GALNT16: variants seen among roughly 807,000 people sequenced by gnomAD.
The protein encoded by GALNT16 is polypeptide N-acetylgalactosaminyltransferase 16.
GALNT16 carries 40 observed loss-of-function variants against 76.1 expected under a neutral mutation model. That is an observed-to-expected ratio of 0.53 (90% CI 0.41 to 0.68). GALNT16 has a LOEUF of 0.68. GALNT16 is among the 30% of genes least tolerant of loss of function. GALNT16 has a pLI of 0.00. For missense variants in GALNT16, 621 were observed against 731.9 expected, an observed-to-expected ratio of 0.85 and a Z score of 1.75; for synonymous variants, 276 against 285.2, an observed-to-expected ratio of 0.97 and a Z score of 0.32.
intron 2 of GALNT16, among the ~76,000 whole-genome samples, chr14:69,322,993 C>T (rs1327597823): frequency 4.1e-4 from 16 of 38,664 alleles, no homozygotes; most frequent in African/African-American, 3.4e-3. Flanking sequence ...CGCGCGCACG[C>T]GCGCACGCAT....
chr14:69,374,950 CATTA>C, the GALNT16 span, among the ~76,000 whole-genome samples: 139 of 152,306 alleles, frequency 9.1e-4, no homozygotes, highest in African/African-American at 2.9e-3. Context: ...GCGGAAATGA[CATTA>C]ATTTATTCAT....
intron 4 of GALNT16, 151 bp from the exon 5 acceptor site, chr14:69,325,811 C>A: frequency 1.5e-6 from 1 of 668,514 alleles, no homozygotes; most frequent in Non-Finnish European, 2.7e-6. Flanking sequence ...GCAGGGCAAC[C>A]CTTCGGCCAG....
At chr14:69,382,253 T>A in the GALNT16 span, among the ~76,000 whole-genome samples, 1 of 152,254 alleles carries the variant, frequency 6.6e-6, no homozygotes, top group East Asian at 1.9e-4. Context: ...TTCCCATTTT[T>A]AAAAATGCTT....
the GALNT16 span, chr14:69,380,737 G>A: frequency 4.6e-6 from 3 of 650,582 alleles, no homozygotes; most frequent in South Asian, 1.9e-5. Context: ...GCATAGATGT[G>A]CACATTTCCA....
At chr14:69,379,471 G>A in the GALNT16 span, among the ~76,000 whole-genome samples, 1 of 152,160 alleles carries the variant, frequency 6.6e-6, no homozygotes, top group Admixed American at 6.5e-5. Flanking sequence ...AGTAGAGGCA[G>A]GAACAGGGGG....
At chr14:69,320,039 C>T (rs1370583760) in intron 1 of GALNT16, among the ~76,000 whole-genome samples, 3 of 152,202 alleles carry the variant, frequency 2.0e-5, no homozygotes, top group Admixed American at 6.5e-5. Context: ...GGTTTGTAGT[C>T]CCCTCAGGAC....
intron 2 of GALNT16, among the ~76,000 whole-genome samples, chr14:69,322,405 G>C (rs1005109186): frequency 3.9e-5 from 6 of 152,244 alleles, no homozygotes; most frequent in Non-Finnish European, 8.8e-5. Context: ...CCCAATCTGT[G>C]AATTGAGGGC....
chr14:69,378,508 T>C, the GALNT16 span, among the ~76,000 whole-genome samples: 5 of 152,356 alleles, frequency 3.3e-5, no homozygotes, highest in South Asian at 2.1e-4. Flanking sequence ...GAAACTTTCA[T>C]TGCACATTTC....
Position 69,325,430 on chromosome 14 carries a change from G to GC in GALNT16, c.502+29dup, listed in dbSNP as rs943541622. On this transcript the variant is annotated intron_variant, in intron 4 of 14. Coordinates refer to ENST00000448469, the MANE Select transcript of GALNT16 (RefSeq NM_001168368.2). ...GTGAGTAGTCACCTTCCTTTTTGCA[G>GC]CCCTCCATTCCGCCCTCGTCCCTGT... The GC allele has an allele frequency of 6.6e-6, 9 of 1,359,760 alleles. No individual in the cohort carries two copies. In the African/African-American group the frequency reaches 1.0e-4, roughly 15 times the overall value. The allele number at this position is 1,359,760 out of a possible 1,614,324, so 84.2% of individuals were successfully genotyped here.
In GALNT16 at chr14:69,299,134, A is replaced by G. The variant is rs185663582; in HGVS notation, c.178-21577A>G. On this transcript the variant is annotated intron_variant, in intron 1 of 14. Coordinates refer to ENST00000448469, the MANE Select transcript of GALNT16 (RefSeq NM_001168368.2). ...CAGCACGTGCAGTAGCCCTGGGAAA[A>G]TGGCATGCTGTTTCTGCATCTCTGT... Among the ~76,000 whole-genome samples, 568 of 152,340 alleles carry G rather than the reference A, an allele frequency of 3.7e-3. 6 individuals carry two copies. Among genetic ancestry groups the G allele is most frequent in the African/African-American group, 0.013 (544 of 41,582 alleles).
At chr14:69,267,616 G>A (rs1394595275) in intron 1 of GALNT16, among the ~76,000 whole-genome samples, 3 of 152,180 alleles carry the variant, frequency 2.0e-5, no homozygotes, top group African/African-American at 7.2e-5. Context: ...CCCTAGGTGG[G>A]CCAGGCAGAG....
chr14:69,333,899 A>G lies in GALNT16; in HGVS notation c.967+299A>G, dbSNP rs2045387018. Among the ~76,000 whole-genome samples, 1 of 152,234 alleles carries G rather than the reference A, an allele frequency of 6.6e-6. No homozygotes were observed. Among genetic ancestry groups the G allele is most frequent in the African/African-American group, 2.4e-5 (1 of 41,464 alleles). On this transcript the variant is annotated intron_variant, in intron 9 of 14. Coordinates refer to ENST00000448469, the MANE Select transcript of GALNT16 (RefSeq NM_001168368.2). This position sits in a 1 kb window ranked among gnomAD's most constrained non-coding sequence, Gnocchi z 4.2. ...GGACATGTGTGTGGAAGAACACACA[A>G]CTGTATCACAGACCACAGCTTACAC...
chr14:69,346,160 C>T (rs2045561632), intron 12 of GALNT16, among the ~76,000 whole-genome samples: 1 of 152,002 alleles, frequency 6.6e-6, no homozygotes, highest in Non-Finnish European at 1.5e-5. Flanking sequence ...TTCCAAAATG[C>T]TGGGATTACA....
At chr14:69,281,639 C>G (rs1484462090) in intron 1 of GALNT16, among the ~76,000 whole-genome samples, 3 of 152,122 alleles carry the variant, frequency 2.0e-5, no homozygotes, top group Admixed American at 2.0e-4. Context: ...GTAGTCATGA[C>G]ACCAGCTGAA....
chr14:69,296,755 TAGATAGATAGATAGAC>T lies in GALNT16; in HGVS notation c.178-23947_178-23932del, dbSNP rs1329389006. Among the ~76,000 whole-genome samples, 242 of 150,704 alleles carry T rather than the reference TAGATAGATAGATAGAC, an allele frequency of 1.6e-3. 1 individual carries two copies. The highest frequency in any genetic ancestry group is 7.3e-3 in the East Asian group (36 of 4,914). ...ATAGATAGATAGATAGATAGATAGA[TAGATAGATAGATAGAC>T]AGATAGATGATAGAGATAGACAGAC... On this transcript the variant is annotated intron_variant, in intron 1 of 14. Transcript: ENST00000448469.
chr14:69,266,204 C>T (rs909720914), intron 1 of GALNT16, among the ~76,000 whole-genome samples: 3 of 152,078 alleles, frequency 2.0e-5, no homozygotes, highest in African/African-American at 7.2e-5. Context: ...GCTTTGTATT[C>T]GCTCCACAAA....
chr14:69,329,276 G>C (rs1184013184), intron 6 of GALNT16, among the ~76,000 whole-genome samples: 2 of 152,100 alleles, frequency 1.3e-5, no homozygotes, highest in Admixed American at 6.6e-5. Flanking sequence ...AGAATCACCT[G>C]GTCCCGGGAG....
chr14:69,322,925 G>GGTGTGT (rs766188989), intron 2 of GALNT16, among the ~76,000 whole-genome samples: 1,489 of 103,808 alleles, frequency 0.014, 27 homozygotes, highest in Non-Finnish European at 0.021. Flanking sequence ...TGGCTCACGG[G>GGTGTGT]GTGTGTGTGT....
At chr14:69,260,079 G>C, upstream of GALNT16, 1 of 504,692 alleles carries the variant, frequency 2.0e-6, no homozygotes, top group Non-Finnish European at 3.5e-6. Context: ...GCGCGCGCTC[G>C]GGGCTGAAGG....
Sources: allele counts gnomAD v4.1 joint callset (sites outside exome capture counted in the v4.1 genomes callset), GRCh38; gene constraint gnomAD v4.1.1; non-coding constraint Gnocchi (gnomAD v3.1); transcripts MANE v1.5; gene names NCBI Gene and HGNC (gene_info 2026-07-23, HGNC 2026-07-21).